Variants in CHSY3 observed in about 807,000 individuals in gnomAD.
CHSY3 encodes N-acetylgalactosaminyl-proteoglycan 3-beta-glucuronosyltransferase 3.
Under a neutral mutation model 67.2 loss-of-function variants are expected in CHSY3, and 35 were observed. That is an observed-to-expected ratio of 0.52 (90% CI 0.40 to 0.69). The LOEUF is 0.69. Ranked by LOEUF, CHSY3 falls within the 30% of genes least tolerant of loss-of-function variation. The probability of loss-of-function intolerance (pLI) is 0.00; values close to 1 mark genes in which losing one functional copy is unlikely to be tolerated. For missense variants in CHSY3, 1,069 were observed against 1,138.5 expected (o/e 0.94, Z 0.88); for synonymous variants, 474 against 434.7 (o/e 1.09, Z -1.12).
intron 2 of CHSY3, among the ~76,000 whole-genome samples, chr5:130,030,219 A>C (rs1009495300): frequency 6.6e-6 from 1 of 152,144 alleles, no homozygotes; most frequent in Non-Finnish European, 1.5e-5. Flanking sequence ...AATGAACTGA[A>C]AAAGAAAGTT....
rs1159145767 is a variant in CHSY3 at position 130,126,562 on chromosome 5, A to AAG, written c.1087-57655_1087-57654dup. Among the ~76,000 whole-genome samples the AAG allele has an allele frequency of 2.0e-5, 3 of 151,638 alleles. No individual in the cohort carries two copies. In the East Asian group the frequency reaches 5.8e-4, roughly 29 times the overall value. On this transcript the variant is annotated intron_variant, in intron 2 of 2. Coordinates refer to ENST00000305031, the MANE Select transcript of CHSY3 (RefSeq NM_175856.5). ...AATGAGAAGAAGCAACAGAGAGAGA[A>AAG]AGAGAGAGAGAGAAAGGAAAAAGAG...
In CHSY3 at chr5:130,072,446, C is replaced by T. The variant is rs561795338; in HGVS notation, c.1087-111783C>T. Among the ~76,000 whole-genome samples the T allele has an allele frequency of 9.1e-4, 139 of 152,152 alleles. 1 individual carries two copies. Among genetic ancestry groups the T allele is most frequent in the African/African-American group, 3.3e-3 (136 of 41,534 alleles). On this transcript the variant is annotated intron_variant, in intron 2 of 2. Coordinates refer to ENST00000305031, the MANE Select transcript of CHSY3 (RefSeq NM_175856.5). ...TTTCCCCATGTGTGTTCTTGGCATC[C>T]TTCTTGAAAATCTATTGATAGTAAA...
At chr5:130,174,059 A>G (rs769809411) in intron 2 of CHSY3, among the ~76,000 whole-genome samples, 6 of 152,082 alleles carry the variant, frequency 3.9e-5, no homozygotes, top group Non-Finnish European at 5.9e-5. Flanking sequence ...TAAATCATCA[A>G]CAATAAAATG....
chr5:130,057,731 C>G (rs1449520748), intron 2 of CHSY3, among the ~76,000 whole-genome samples: 1 of 152,118 alleles, frequency 6.6e-6, no homozygotes, highest in Non-Finnish European at 1.5e-5. Context: ...CCAGTAGTAA[C>G]TCTGTTGATG....
intron 2 of CHSY3, among the ~76,000 whole-genome samples, chr5:130,150,456 GA>G (rs1446383659): frequency 2.6e-5 from 4 of 151,900 alleles, no homozygotes; most frequent in African/African-American, 9.7e-5. Flanking sequence ...ACTTTAAAAT[GA>G]AAAAATGTAA....
chr5:129,909,732 A>G (rs1290737777), intron 2 of CHSY3, among the ~76,000 whole-genome samples: 1 of 152,066 alleles, frequency 6.6e-6, no homozygotes, highest in Admixed American at 6.5e-5. Flanking sequence ...AAAACAAAGT[A>G]AAAGACAAAA....
intron 2 of CHSY3, among the ~76,000 whole-genome samples, chr5:130,074,613 A>G (rs987823390): frequency 1.3e-5 from 2 of 152,326 alleles, no homozygotes; most frequent in African/African-American, 4.8e-5. Context: ...CATGGGAAAT[A>G]TTTGGAATAC....
chr5:130,050,770 A>G (rs988840848), intron 2 of CHSY3, among the ~76,000 whole-genome samples: 5 of 152,078 alleles, frequency 3.3e-5, no homozygotes, highest in African/African-American at 7.2e-5. Flanking sequence ...TCATCTACGC[A>G]TACATATGAG....
At chr5:130,181,726 C>T (rs972511130) in intron 2 of CHSY3, among the ~76,000 whole-genome samples, 1 of 152,096 alleles carries the variant, frequency 6.6e-6, no homozygotes, top group Non-Finnish European at 1.5e-5. Context: ...GATCATTATT[C>T]CAACAGCAAA....
intron 2 of CHSY3, among the ~76,000 whole-genome samples, chr5:130,091,995 T>C (rs535514770): frequency 6.6e-6 from 1 of 152,248 alleles, no homozygotes; most frequent in East Asian, 1.9e-4. Context: ...CTCTCACTTG[T>C]TCTCAGTCAG....
At chr5:130,115,983 C>G (rs1490018834) in intron 2 of CHSY3, among the ~76,000 whole-genome samples, 1 of 152,140 alleles carries the variant, frequency 6.6e-6, no homozygotes, top group Admixed American at 6.6e-5. Flanking sequence ...TCTCACCACA[C>G]GGATCACACA....
chr5:129,986,945 A>T (rs6864927), intron 2 of CHSY3, among the ~76,000 whole-genome samples: 2,421 of 152,262 alleles, frequency 0.016, 50 homozygotes, highest in African/African-American at 0.054. Flanking sequence ...GTCCAGCCAC[A>T]AGTTTTCTTA....
At chr5:130,143,758 G>A (rs868807668) in intron 2 of CHSY3, among the ~76,000 whole-genome samples, 1,049 of 57,624 alleles carry the variant, frequency 0.018, 43 homozygotes, top group African/African-American at 0.066. Context: ...ATATATATAT[G>A]TGTGTGTGTG....
chr5:129,911,980 C>T lies in CHSY3; in HGVS notation c.1086+3620C>T, dbSNP rs1197419223. ...CTGAGGCAGGAGAATGGCGTGAACC[C>T]GGGAGGCGGAGCTTGCAGTGAGCCG... On this transcript the variant is annotated intron_variant, in intron 2 of 2. Transcript: ENST00000305031. Among the ~76,000 whole-genome samples the T allele has an allele frequency of 7.2e-5, 11 of 152,126 alleles. No individual in the cohort carries two copies. The South Asian group carries it at 1.7e-3, about 23-fold the overall frequency.
In CHSY3 at chr5:130,120,661, C is replaced by A. The variant is rs555712858; in HGVS notation, c.1087-63568C>A. Among the ~76,000 whole-genome samples the A allele has an allele frequency of 2.0e-5, 3 of 152,172 alleles. No individual in the cohort carries two copies. The East Asian group carries it at 5.8e-4, about 29-fold the overall frequency. On this transcript the variant is annotated intron_variant, in intron 2 of 2. Coordinates refer to ENST00000305031, the MANE Select transcript of CHSY3 (RefSeq NM_175856.5). ...TTTACTAACTTCTATTCCTCAATTT[C>A]ATGAGTGTGAAAAGTGTGTAATAAT...
At position 130,185,295 on chromosome 5, in the gene CHSY3, A is replaced by C. The variant is rs750350139; in HGVS notation, c.2153A>C (p.Asp718Ala). 1 of 1,612,018 alleles carries C rather than the reference A, an allele frequency of 6.2e-7. No homozygotes were observed. Among genetic ancestry groups the C allele is most frequent in the Admixed American group, 1.7e-5 (1 of 60,022 alleles). ...FDNDTLLLFC[D>A]VDLIFREDFL... ...AATGACACTTTGCTGCTATTTTGTG[A>C]TGTTGACTTGATCTTCAGAGAAGAT... The change falls in exon 3 of 3, where the codon GAT (aspartate) becomes GCT (alanine). Residue 718 changes from aspartate to alanine, a missense_variant. By Grantham distance (126) the Asp-to-Ala change is moderately radical. Coordinates refer to ENST00000305031, the MANE Select transcript of CHSY3 (RefSeq NM_175856.5).
chr5:129,924,756 A>G (rs1581371612), intron 2 of CHSY3, among the ~76,000 whole-genome samples: 1 of 151,920 alleles, frequency 6.6e-6, no homozygotes, highest in Non-Finnish European at 1.5e-5. Context: ...TTTCAAACCA[A>G]TTGAATTATT....
upstream of CHSY3, among the ~76,000 whole-genome samples, chr5:129,904,178 G>A (rs1760131468): frequency 2.0e-5 from 3 of 152,130 alleles, no homozygotes; most frequent in South Asian, 4.1e-4. Flanking sequence ...AAGAGCAAGA[G>A]CTGGGGGAGG....
chr5:130,154,342 C>G (rs941060294), intron 2 of CHSY3, among the ~76,000 whole-genome samples: 2 of 152,214 alleles, frequency 1.3e-5, no homozygotes, highest in African/African-American at 4.8e-5. Context: ...CTCTTTGCCC[C>G]TGGCCTCTGG....
Sources: gnomAD v4.1 joint callset for allele counts (sites outside exome capture counted in the v4.1 genomes callset) on GRCh38, gnomAD v4.1.1 for gene constraint, MANE v1.5 for transcripts, NCBI Gene and HGNC (gene_info 2026-07-23, HGNC 2026-07-21) for gene names.